CISTR: variants seen among roughly 807,000 people sequenced by gnomAD.
CISTR encodes the protein chondrogenesis-associated transcript, also known as chondrogenic regulator lncRNA.
intron 1 of CISTR, among the ~76,000 whole-genome samples, chr12:53,752,640 A>T (rs1194051134): frequency 2.0e-5 from 3 of 152,148 alleles, no homozygotes; most frequent in African/African-American, 7.2e-5. Flanking sequence ...GAGCTTTCTT[A>T]AAGGGTTTTG....
chr12:53,755,740 A>T (rs1410680464), intron 1 of CISTR: 1 of 152,380 alleles, frequency 6.6e-6, no homozygotes, highest in Non-Finnish European at 1.5e-5. Context: ...TGCCCATCCC[A>T]GCCTTTGGCT....
At chr12:53,755,969 C>A (rs893819860) in intron 1 of CISTR, 1 of 152,200 alleles carries the variant, frequency 6.6e-6, no homozygotes, top group Non-Finnish European at 1.5e-5. Context: ...TTTGCAGGGA[C>A]CCCTTTCTCC....
At chr12:53,755,905 C>G (rs1354187771) in intron 1 of CISTR, 1 of 152,360 alleles carries the variant, frequency 6.6e-6, no homozygotes, top group East Asian at 1.9e-4. Flanking sequence ...TATGCTTTCC[C>G]CAGCACCAGT....
intron 2 of CISTR, among the ~76,000 whole-genome samples, chr12:53,748,234 G>A (rs1041322931): frequency 1.3e-5 from 2 of 152,216 alleles, no homozygotes; most frequent in Non-Finnish European, 2.9e-5. Context: ...GCTGCACCGC[G>A]GGCCGTCAAT....
Position 53,751,056 on chromosome 12 carries a change from TCA to T in CISTR, n.415-93_415-92del, listed in dbSNP as rs201109510. 14 of 151,276 alleles carry T rather than the reference TCA, an allele frequency of 9.3e-5. No homozygotes were observed. Among genetic ancestry groups the T allele is most frequent in the East Asian group, 1.9e-4 (1 of 5,134 alleles). 9.4% of individuals were successfully genotyped at this position (151,276 alleles called of 1,614,324 possible). A position where few individuals can be genotyped will look rare whatever the true frequency, so the allele number is the denominator to read the frequency against. ...CATGAGCAGCCAAAGGGACGGACAC[TCA>T]CACACACACACACGCACACACTCAC... On this transcript the variant is annotated intron_variant and non_coding_transcript_variant, in intron 1 of 2. Coordinates refer to ENST00000669269, the Ensembl canonical transcript of CISTR. The surrounding 1 kb of genome is among the most constrained non-coding windows in gnomAD (Gnocchi z 4.6).
intron 1 of CISTR, among the ~76,000 whole-genome samples, chr12:53,753,750 G>C (rs1246058463): frequency 7.4e-5 from 8 of 108,248 alleles, no homozygotes; most frequent in Non-Finnish European, 1.4e-4. Context: ...AGGAGACCGA[G>C]GCAGGGAGGA....
intron 2 of CISTR, among the ~76,000 whole-genome samples, chr12:53,748,133 G>T (rs959844476): frequency 2.6e-5 from 4 of 152,180 alleles, no homozygotes; most frequent in African/African-American, 9.7e-5. Context: ...CAGGCAGGGA[G>T]GGGATCTCCA....
At chr12:53,754,217 C>G (rs1937890401) in intron 1 of CISTR, 1 of 152,138 alleles carries the variant, frequency 6.6e-6, no homozygotes, top group Non-Finnish European at 1.5e-5. Flanking sequence ...GCTAAAAAAT[C>G]TTCAACAAAT....
intron 2 of CISTR, among the ~76,000 whole-genome samples, chr12:53,746,897 G>T (rs1397516534): frequency 6.6e-6 from 1 of 152,232 alleles, no homozygotes; most frequent in Non-Finnish European, 1.5e-5. Flanking sequence ...GTTTCTAGCC[G>T]CAGCTTTCCC....
exon 3 of CISTR, among the ~76,000 whole-genome samples, chr12:53,746,685 A>G (rs1352716993): frequency 6.6e-6 from 1 of 152,146 alleles, no homozygotes; most frequent in African/African-American, 2.4e-5. Flanking sequence ...TCCCCGGCCT[A>G]GGGCAGCCCA....
At chr12:53,753,662 A>AGG (rs78752720) in intron 1 of CISTR, among the ~76,000 whole-genome samples, 49 of 130,506 alleles carry the variant, frequency 3.8e-4, no homozygotes, top group African/African-American at 5.8e-4. Flanking sequence ...AGGAATGCAT[A>AGG]GGGGTGTGTG....
intron 2 of CISTR, among the ~76,000 whole-genome samples, chr12:53,748,626 C>T (rs965482977): frequency 1.3e-5 from 2 of 152,152 alleles, no homozygotes; most frequent in Non-Finnish European, 2.9e-5. Context: ...CCAGCCATAG[C>T]AGAGCAGTCA....
rs561251447 is a variant in CISTR, at chr12:53,756,989, A to T, written n.239T>A. ...GGCCCTTGGAAACTATTAGCCCAACATCTCTTCTTCCCCTCTCCACAGTCA... is the reference window on the plus strand; with the variant it reads ...GGCCCTTGGAAACTATTAGCCCAACTTCTCTTCTTCCCCTCTCCACAGTCA... On this transcript the variant is annotated non_coding_transcript_exon_variant, in exon 1 of 3. Coordinates refer to ENST00000669269, the Ensembl canonical transcript of CISTR. This position sits in a 1 kb window ranked among gnomAD's most constrained non-coding sequence, Gnocchi z 4.0. The T allele has an allele frequency of 6.6e-6, 1 of 151,874 alleles. No homozygotes were observed. The highest frequency in any genetic ancestry group is 2.4e-5 in the African/African-American group (1 of 41,126). The allele number at this position is 151,874 out of a possible 1,614,324, so 9.4% of individuals were successfully genotyped here.
chr12:53,747,985 T>G (rs1257814203), intron 2 of CISTR, among the ~76,000 whole-genome samples: 1 of 152,170 alleles, frequency 6.6e-6, no homozygotes, highest in Non-Finnish European at 1.5e-5. Context: ...TCCTTTTCTC[T>G]TAGAATGTAC....
chr12:53,754,314 G>A (rs1937891281), intron 1 of CISTR: 1 of 152,240 alleles, frequency 6.6e-6, no homozygotes, highest in Non-Finnish European at 1.5e-5. Flanking sequence ...CAACTTGATC[G>A]AGATCTCCCA....
At chr12:53,750,236 G>C (rs929225381) in intron 2 of CISTR, among the ~76,000 whole-genome samples, 1 of 152,248 alleles carries the variant, frequency 6.6e-6, no homozygotes, top group Non-Finnish European at 1.5e-5. Flanking sequence ...AGGGAAGGCT[G>C]CTAGGAGTGG....
intron 2 of CISTR, among the ~76,000 whole-genome samples, chr12:53,747,931 C>G (rs912789386): frequency 1.3e-5 from 2 of 152,130 alleles, no homozygotes; most frequent in East Asian, 1.9e-4. Flanking sequence ...TCCCACACCC[C>G]CTTCCAGTAA....
chr12:53,755,364 G>T (rs1243782321), intron 1 of CISTR, among the ~76,000 whole-genome samples: 13 of 151,032 alleles, frequency 8.6e-5, no homozygotes, highest in African/African-American at 3.2e-4. Context: ...TGTTGTTGGA[G>T]ATTCTATATC....
chr12:53,748,674 G>A (rs146591380), intron 2 of CISTR, among the ~76,000 whole-genome samples: 3 of 152,292 alleles, frequency 2.0e-5, no homozygotes, highest in Middle Eastern at 3.4e-3. Context: ...GGCCCAGGGA[G>A]AAACTGAAAG....
Sources: gnomAD v4.1 joint callset for allele counts (sites outside exome capture counted in the v4.1 genomes callset) on GRCh38, gnomAD v4.1.1 for gene constraint, Gnocchi (gnomAD v3.1) non-coding constraint, MANE v1.5 for transcripts, NCBI Gene and HGNC (gene_info 2026-07-23, HGNC 2026-07-21) for gene names.